Variants in CADPS2 observed in about 807,000 individuals in gnomAD.
CADPS2 encodes calcium-dependent secretion activator 2.
Under a neutral mutation model 172.5 loss-of-function variants are expected in CADPS2, and 93 were observed. That is an observed-to-expected ratio of 0.54 (90% CI 0.46 to 0.64). The LOEUF (loss-of-function observed/expected upper bound fraction) is 0.64, where lower values mean the gene tolerates loss of function less well. Among genes scored for constraint, CADPS2 ranks in the 30% least tolerant of loss-of-function variants. The pLI is 0.00. For missense variants in CADPS2, 1,420 were observed against 1,565.9 expected (o/e 0.91, Z 1.57); for synonymous variants, 546 against 555.2 (o/e 0.98, Z 0.23).
At chr7:122,451,062 G>A (rs28438469) in intron 15 of CADPS2, among the ~76,000 whole-genome samples, 126 of 152,296 alleles carry the variant, frequency 8.3e-4, no homozygotes, top group Non-Finnish European at 1.5e-3. Context: ...TGGTAATACA[G>A]AGAGCAGGAG....
chr7:122,783,402 C>A (rs1246376500), intron 1 of CADPS2, among the ~76,000 whole-genome samples: 1 of 151,986 alleles, frequency 6.6e-6, no homozygotes, highest in Non-Finnish European at 1.5e-5. Context: ...GTTTGAGGGG[C>A]TGATCAAGTT....
intron 3 of CADPS2, among the ~76,000 whole-genome samples, chr7:122,637,151 G>T (rs2134375247): frequency 7.8e-6 from 1 of 128,290 alleles, no homozygotes; most frequent in African/African-American, 2.9e-5. Context: ...TAATGCTTCT[G>T]ACTGCATTAT....
chr7:122,842,241 C>T (rs1019267008), intron 1 of CADPS2, among the ~76,000 whole-genome samples: 2 of 152,192 alleles, frequency 1.3e-5, no homozygotes, highest in African/African-American at 2.4e-5. Flanking sequence ...ATGGACCAAA[C>T]TCGACTACAG....
At chr7:122,533,151 C>A (rs2131371334) in intron 8 of CADPS2, among the ~76,000 whole-genome samples, 1 of 152,096 alleles carries the variant, frequency 6.6e-6, no homozygotes, top group African/African-American at 2.4e-5. Flanking sequence ...TGGCAGTTGT[C>A]TATTTGTGCC....
intron 1 of CADPS2, among the ~76,000 whole-genome samples, chr7:122,849,480 C>T (rs755799429): frequency 9.9e-5 from 15 of 152,158 alleles, no homozygotes; most frequent in Non-Finnish European, 1.3e-4. Flanking sequence ...TTGGTAAAGT[C>T]ACAAAGTTCA....
chr7:122,592,776 G>C (rs1162672570), intron 6 of CADPS2, among the ~76,000 whole-genome samples: 1 of 142,196 alleles, frequency 7.0e-6, no homozygotes, highest in Non-Finnish European at 1.5e-5. Flanking sequence ...TCATAGGTGG[G>C]AATTGAACAA....
chr7:122,447,189 G>A (rs892757236), intron 15 of CADPS2, among the ~76,000 whole-genome samples: 6 of 151,900 alleles, frequency 3.9e-5, no homozygotes, highest in East Asian at 1.9e-4. Context: ...CTAGACAACT[G>A]AGACACAGTA....
Position 122,503,920 on chromosome 7 carries a change from A to C in CADPS2, c.1542+9329T>G, listed in dbSNP as rs141761332. On this transcript the variant is annotated intron_variant, in intron 9 of 29. Coordinates refer to ENST00000449022, the MANE Select transcript of CADPS2 (RefSeq NM_017954.11). The stretch of plus-strand genomic sequence containing the variant: ...GATGAATTGTTTTGCAGGAAAACAA[A>C]GCAGAGGAAAGAGACATTAAAAGCA... Among the ~76,000 whole-genome samples the C allele has an allele frequency of 3.3e-3, 501 of 152,322 alleles. 2 individuals are homozygous for C. The highest frequency in any genetic ancestry group is 0.011 in the African/African-American group (457 of 41,582).
chr7:122,620,241 T>C (rs1224070002), intron 5 of CADPS2, among the ~76,000 whole-genome samples: 1 of 152,186 alleles, frequency 6.6e-6, no homozygotes, highest in Non-Finnish European at 1.5e-5. Flanking sequence ...AATATAATTT[T>C]TGAGAGAGCT....
At chr7:122,716,123 T>C (rs979803420) in intron 2 of CADPS2, among the ~76,000 whole-genome samples, 1 of 152,142 alleles carries the variant, frequency 6.6e-6, no homozygotes, top group Admixed American at 6.6e-5. Context: ...ACCATAAACA[T>C]ATACAATTAT....
At chr7:122,842,506 T>A (rs1222322982) in intron 1 of CADPS2, among the ~76,000 whole-genome samples, 1 of 152,162 alleles carries the variant, frequency 6.6e-6, no homozygotes, top group Non-Finnish European at 1.5e-5. Flanking sequence ...ACAAAGACTT[T>A]GATGCTTAAT....
intron 2 of CADPS2, among the ~76,000 whole-genome samples, chr7:122,673,753 T>C (rs1423207080): frequency 6.6e-6 from 1 of 152,240 alleles, no homozygotes; most frequent in Admixed American, 6.5e-5. Context: ...TGGCTTCGCC[T>C]AGTGGATCCC....
chr7:122,425,929 C>T (rs1280897571), intron 17 of CADPS2: 1 of 152,124 alleles, frequency 6.6e-6, no homozygotes, highest in African/African-American at 2.4e-5. Flanking sequence ...TCCTGCCTGA[C>T]CCTTGCTTTA....
chr7:122,691,896 G>A (rs755779379), intron 2 of CADPS2, among the ~76,000 whole-genome samples: 1 of 152,166 alleles, frequency 6.6e-6, no homozygotes, highest in African/African-American at 2.4e-5. Context: ...AGTGGCGAAC[G>A]CCAAGGTGCA....
intron 7 of CADPS2, among the ~76,000 whole-genome samples, chr7:122,569,754 CA>C (rs2066962495): frequency 6.8e-6 from 1 of 147,470 alleles, no homozygotes; most frequent in Admixed American, 6.8e-5. Context: ...TGATCTTTGA[CA>C]AACCTGAGAA....
At chr7:122,800,271 G>T (rs1285567919) in intron 1 of CADPS2, among the ~76,000 whole-genome samples, 2 of 151,956 alleles carry the variant, frequency 1.3e-5, no homozygotes, top group Non-Finnish European at 2.9e-5. Flanking sequence ...GAATCATACT[G>T]GAAAATTTAA....
chr7:122,711,993 C>T (rs2088822650), intron 2 of CADPS2, among the ~76,000 whole-genome samples: 1 of 151,974 alleles, frequency 6.6e-6, no homozygotes, highest in African/African-American at 2.4e-5. Context: ...GCAGTTAAAA[C>T]AGTACATACA....
chr7:122,778,283 A>T (rs12706446), intron 1 of CADPS2, among the ~76,000 whole-genome samples: 32,699 of 152,058 alleles, frequency 0.22, 3,768 homozygotes, highest in Middle Eastern at 0.31. Context: ...TGATTTAGGG[A>T]ATCTGGTGGA....
At chr7:122,478,184 A>G (rs2056922461) in intron 12 of CADPS2, among the ~76,000 whole-genome samples, 1 of 152,220 alleles carries the variant, frequency 6.6e-6, no homozygotes, top group East Asian at 1.9e-4. Flanking sequence ...GATTATCTTC[A>G]ATTAATGTTA....
Sources: gnomAD v4.1 joint callset for allele counts (sites outside exome capture counted in the v4.1 genomes callset) on GRCh38, gnomAD v4.1.1 for gene constraint, MANE v1.5 for transcripts, NCBI Gene and HGNC (gene_info 2026-07-23, HGNC 2026-07-21) for gene names.